The following BCAS3 variants were observed in gnomAD, a reference collection of about 807,000 sequenced individuals.
BCAS3 encodes the protein BCAS4/BCAS3 fusion.
BCAS3 carries 53 observed loss-of-function variants against 116.1 expected under a neutral mutation model. The ratio of observed to expected loss-of-function variants is 0.46; its 90% CI spans 0.37 to 0.57. The LOEUF (loss-of-function observed/expected upper bound fraction) is 0.57, where lower values mean the gene tolerates loss of function less well. Ranked by LOEUF, BCAS3 falls within the 20% of genes least tolerant of loss-of-function variation. The pLI, the probability that BCAS3 is intolerant of heterozygous loss-of-function variation, is 0.00. For synonymous variants in BCAS3, 391 were observed against 408.2 expected (o/e 0.96, Z 0.51); for missense variants, 917 against 1,165.4 (o/e 0.79, Z 3.10).
At chr17:61,070,366 A>T (rs868419556) in intron 19 of BCAS3, 3 of 314,092 alleles carry the variant, frequency 9.6e-6, no homozygotes, top group Non-Finnish European at 6.5e-6. Context: ...CCTAATTCTG[A>T]ATATATATAT....
rs1053466498 is a variant in BCAS3 at position 61,008,776 on chromosome 17, A to G, written c.1487-6975A>G. 1.7e-4 allele frequency among the ~76,000 whole-genome samples: 26 copies of G among 152,090 alleles called. No homozygotes were observed. Among genetic ancestry groups the G allele is most frequent in the Non-Finnish European group, 2.9e-4 (20 of 67,974 alleles). On this transcript the variant is annotated intron_variant, in intron 15 of 23. Transcript: ENST00000407086. The surrounding 1 kb of genome is among the most constrained non-coding windows in gnomAD (Gnocchi z 4.6). ...TTTTGAAAGATATGATATAGGGAAT[A>G]GAACATCTACATGATGTCTTAGAAT...
At position 60,990,223 on chromosome 17, in the gene BCAS3, T is replaced by A. The variant is rs756398387; in HGVS notation, c.1474T>A (p.Ser492Thr). The A allele has an allele frequency of 5.6e-6, 9 of 1,613,744 alleles. No homozygotes were observed. The East Asian group carries it at 1.6e-4, about 28-fold the overall frequency. The change falls in exon 15 of 24, where the codon TCA becomes ACA. Residue 492 changes from serine to threonine, a missense_variant. Around this residue, in one of 3 missense-constraint regions of BCAS3, gnomAD observed 807 missense variants for 1,026.0 expected, o/e 0.79. Transcript: ENST00000407086. The surrounding 1 kb of genome is among the most constrained non-coding windows in gnomAD (Gnocchi z 5.1). ...AGGTCTATCAAGCAGCCCTTCTGGG[T>A]CACCCTTGCATGGTAATTTTCTCTG... ...VPGLSSSPSGSPLHGKLNSQD... is the reference protein window; with the variant it reads ...VPGLSSSPSGTPLHGKLNSQD...
At chr17:60,785,080 C>T (rs1016429902) in intron 6 of BCAS3, among the ~76,000 whole-genome samples, 2 of 152,134 alleles carry the variant, frequency 1.3e-5, no homozygotes, top group Non-Finnish European at 2.9e-5. Flanking sequence ...GCCTGGGCAA[C>T]AGAGCGAGAC....
At position 61,315,469 on chromosome 17, in the gene BCAS3, C is replaced by G. The variant is rs1010158248; in HGVS notation, c.2426-52858C>G. On this transcript the variant is annotated intron_variant, in intron 22 of 23. Transcript: ENST00000407086. This position sits in a 1 kb window ranked among gnomAD's most constrained non-coding sequence, Gnocchi z 5.3. ...GAGGGCATGCAGAGCAGTCTCGGAG[C>G]GGACGCTAGCTGGCAGCGGTGCCAT... Among the ~76,000 whole-genome samples, 1 of 152,194 alleles carries G rather than the reference C, an allele frequency of 6.6e-6. No homozygotes were observed. The highest frequency in any genetic ancestry group is 1.5e-5 in the Non-Finnish European group (1 of 68,036).
rs7221731 is a variant in BCAS3, at chr17:61,347,899, C to T, written c.2426-20428C>T. 6.6e-6 allele frequency among the ~76,000 whole-genome samples: 1 copy of T among 152,224 alleles called. No homozygotes were observed. Among genetic ancestry groups the T allele is most frequent in the East Asian group, 1.9e-4 (1 of 5,182 alleles). Reference sequence around the variant, plus strand: ...GGGCAAGGCGCAAGGTGGGGTGTAGCGTTCAGAGTCTGGAAAGCTGCTAGA... The same window carrying T: ...GGGCAAGGCGCAAGGTGGGGTGTAGTGTTCAGAGTCTGGAAAGCTGCTAGA... On this transcript the variant is annotated intron_variant, in intron 22 of 23. Transcript: ENST00000407086. This position sits in a 1 kb window ranked among gnomAD's most constrained non-coding sequence, Gnocchi z 4.3.
At chr17:61,025,546 G>C (rs939105304) in intron 16 of BCAS3, among the ~76,000 whole-genome samples, 5 of 151,840 alleles carry the variant, frequency 3.3e-5, no homozygotes, top group Non-Finnish European at 7.4e-5. Flanking sequence ...GTGTGTACTC[G>C]TGCACATACC....
intron 6 of BCAS3, among the ~76,000 whole-genome samples, chr17:60,778,646 A>G (rs1330761299): frequency 6.6e-6 from 1 of 152,172 alleles, no homozygotes; most frequent in African/African-American, 2.4e-5. Context: ...ACTCAGCAAG[A>G]CTTATTTTCC....
At position 61,069,990 on chromosome 17, in the gene BCAS3, C is replaced by A. The variant is rs769564607; in HGVS notation, c.2030-4930C>A. The A allele has an allele frequency of 4.4e-6, 7 of 1,587,960 alleles. No homozygotes were observed. The African/African-American group carries it at 6.7e-5, about 15-fold the overall frequency. ...TCCACAGCCACAAAAAGAAGAAGAT[C>A]CGCACGTCACCCACCTTCCGGCAGC... On this transcript the variant is annotated intron_variant, in intron 19 of 23. Transcript: ENST00000407086.
At chr17:60,843,964 A>G (rs1212846083) in intron 7 of BCAS3, among the ~76,000 whole-genome samples, 1 of 152,138 alleles carries the variant, frequency 6.6e-6, no homozygotes, top group African/African-American at 2.4e-5. Context: ...AAAGTATACA[A>G]CTAATATACT....
At chr17:61,039,908 A>C (rs552828511) in intron 18 of BCAS3, among the ~76,000 whole-genome samples, 3 of 152,328 alleles carry the variant, frequency 2.0e-5, no homozygotes, top group East Asian at 1.9e-4. Flanking sequence ...ACTAATATAG[A>C]TAGATTCAAA....
chr17:61,350,949 G>A (rs2057803531), intron 22 of BCAS3, among the ~76,000 whole-genome samples: 6 of 152,144 alleles, frequency 3.9e-5, no homozygotes, highest in Admixed American at 3.3e-4. Context: ...TCTTAAAAAA[G>A]AAGGAGATCC....
chr17:60,684,396 A>G (rs901093609), intron 3 of BCAS3, among the ~76,000 whole-genome samples: 2 of 152,162 alleles, frequency 1.3e-5, no homozygotes, highest in South Asian at 4.1e-4. Flanking sequence ...ACTAGATATT[A>G]GCTAAGTATT....
intron 22 of BCAS3, among the ~76,000 whole-genome samples, chr17:61,175,485 T>C (rs2079082859): frequency 6.6e-6 from 1 of 152,148 alleles, no homozygotes; most frequent in African/African-American, 2.4e-5. Flanking sequence ...TGATGTAACA[T>C]TGTCATGGGG....
chr17:61,257,515 TTGAA>T (rs2048884833), intron 22 of BCAS3, among the ~76,000 whole-genome samples: 1 of 152,100 alleles, frequency 6.6e-6, no homozygotes, highest in Non-Finnish European at 1.5e-5. Flanking sequence ...CCACCTTCCT[TTGAA>T]TGGAATACTT....
chr17:60,724,017 G>T (rs2039542093), intron 5 of BCAS3, among the ~76,000 whole-genome samples: 1 of 151,350 alleles, frequency 6.6e-6, no homozygotes, highest in Non-Finnish European at 1.5e-5. Context: ...ACCGTGCCCG[G>T]CCTACTTTTT....
At chr17:60,857,993 A>T (rs925323966) in intron 7 of BCAS3, among the ~76,000 whole-genome samples, 35 of 151,868 alleles carry the variant, frequency 2.3e-4, no homozygotes, top group African/African-American at 8.5e-4. Flanking sequence ...AAGTGATCGG[A>T]GTTCCAGTAT....
chr17:61,321,471 C>T (rs1238806441), intron 22 of BCAS3, among the ~76,000 whole-genome samples: 1 of 152,182 alleles, frequency 6.6e-6, no homozygotes, highest in Non-Finnish European at 1.5e-5. Context: ...GCAAAAGCAG[C>T]AATGGTGAGT....
rs980386361 is a variant in BCAS3 at position 60,752,549 on chromosome 17, G to A, written c.403+5270G>A. Among the ~76,000 whole-genome samples the A allele has an allele frequency of 2.6e-5, 4 of 151,582 alleles. No individual in the cohort carries two copies. In the South Asian group the frequency reaches 6.2e-4, roughly 24 times the overall value. Reference sequence around the variant, plus strand: ...TGCCATTCTCCTGCCTCAGCCTCCCGAGTAGCTGAGACTACAGGCGCCCTC... The same window carrying A: ...TGCCATTCTCCTGCCTCAGCCTCCCAAGTAGCTGAGACTACAGGCGCCCTC... On this transcript the variant is annotated intron_variant, in intron 6 of 23. Transcript: ENST00000407086.
intron 22 of BCAS3, among the ~76,000 whole-genome samples, chr17:61,116,393 T>C (rs1399505200): frequency 6.6e-6 from 1 of 152,144 alleles, no homozygotes; most frequent in South Asian, 2.1e-4. Context: ...CCAATTTGAG[T>C]GTAGCCCTTC....
Sources: gnomAD v4.1 joint callset for allele counts (sites outside exome capture counted in the v4.1 genomes callset) on GRCh38, gnomAD v4.1.1 for gene constraint, gnomAD v4.1.1 regional missense constraint, Gnocchi (gnomAD v3.1) non-coding constraint, MANE v1.5 for transcripts, NCBI Gene and HGNC (gene_info 2026-07-23, HGNC 2026-07-21) for gene names.